The following ITGBL1 variants were observed in gnomAD, a reference collection of about 807,000 sequenced individuals.
ITGBL1 encodes integrin beta-like protein 1.
ITGBL1 carries 51 observed loss-of-function variants against 68.5 expected under a neutral mutation model. The ratio of observed to expected loss-of-function variants is 0.74; its 90% CI spans 0.59 to 0.94. ITGBL1 has a LOEUF of 0.94. Ranked by LOEUF, ITGBL1 falls within the 40% of genes least tolerant of loss-of-function variation. The probability of loss-of-function intolerance (pLI) is 0.00; values close to 1 mark genes in which losing one functional copy is unlikely to be tolerated. For missense variants in ITGBL1, 649 were observed against 647.4 expected (o/e 1.00, Z -0.03); for synonymous variants, 209 against 227.3 (o/e 0.92, Z 0.72).
chr13:101,460,984 C>G (rs2048310283), intron 2 of ITGBL1, among the ~76,000 whole-genome samples: 1 of 152,156 alleles, frequency 6.6e-6, no homozygotes, highest in Non-Finnish European at 1.5e-5. Flanking sequence ...GGACACACAT[C>G]CAAACTATAT....
chr13:101,471,332 A>G (rs1409360050), intron 2 of ITGBL1, among the ~76,000 whole-genome samples: 2 of 152,152 alleles, frequency 1.3e-5, no homozygotes, highest in Non-Finnish European at 2.9e-5. Context: ...TTTTGTTATC[A>G]GTATTATCAG....
At chr13:101,657,575 C>G (rs1051911052) in intron 7 of ITGBL1, among the ~76,000 whole-genome samples, 1 of 152,090 alleles carries the variant, frequency 6.6e-6, no homozygotes, top group Non-Finnish European at 1.5e-5. Context: ...GCTAAATATG[C>G]CTAAACTCTA....
chr13:101,652,763 A>G (rs189068606), intron 7 of ITGBL1, among the ~76,000 whole-genome samples: 1 of 152,210 alleles, frequency 6.6e-6, no homozygotes, highest in Admixed American at 6.5e-5. Flanking sequence ...AAGGAAATAG[A>G]CGCACCAAAG....
intron 6 of ITGBL1, among the ~76,000 whole-genome samples, chr13:101,595,747 A>G (rs1472091873): frequency 6.6e-6 from 1 of 152,176 alleles, no homozygotes; most frequent in Non-Finnish European, 1.5e-5. Context: ...GTTGTTGGTG[A>G]GGATGTAAAT....
chr13:101,594,561 A>G (rs1428319331), intron 6 of ITGBL1, among the ~76,000 whole-genome samples: 1 of 152,202 alleles, frequency 6.6e-6, no homozygotes, highest in Admixed American at 6.5e-5. Context: ...AACACAGACA[A>G]CAAAAACAAA....
At chr13:101,627,650 G>A (rs896384462) in intron 7 of ITGBL1, among the ~76,000 whole-genome samples, 3 of 152,046 alleles carry the variant, frequency 2.0e-5, no homozygotes, top group African/African-American at 7.2e-5. Context: ...TGGCAAGCAC[G>A]GATCTTTTTA....
intron 7 of ITGBL1, among the ~76,000 whole-genome samples, chr13:101,655,247 GA>G (rs2032880674): frequency 6.6e-6 from 1 of 152,198 alleles, no homozygotes; most frequent in African/African-American, 2.4e-5. Context: ...ATTGAAACTA[GA>G]TTGATGGCAC....
intron 2 of ITGBL1, among the ~76,000 whole-genome samples, chr13:101,556,199 A>G (rs1346698139): frequency 6.6e-6 from 1 of 152,198 alleles, no homozygotes; most frequent in Non-Finnish European, 1.5e-5. Flanking sequence ...GGATCTCCCC[A>G]AAAGATGTGT....
intron 7 of ITGBL1, among the ~76,000 whole-genome samples, chr13:101,629,518 G>T (rs2031904358): frequency 6.6e-6 from 1 of 151,696 alleles, no homozygotes; most frequent in South Asian, 2.1e-4. Flanking sequence ...TTATATCAAG[G>T]TCTCAAATTT....
At chr13:101,655,400 A>G (rs544741682) in intron 7 of ITGBL1, among the ~76,000 whole-genome samples, 1 of 19,446 alleles carries the variant, frequency 5.1e-5, no homozygotes, top group East Asian at 1.1e-3. Flanking sequence ...AGTCAAATTT[A>G]TGCATTAATT....
At chr13:101,628,679 A>C (rs560286819) in intron 7 of ITGBL1, among the ~76,000 whole-genome samples, 7 of 149,544 alleles carry the variant, frequency 4.7e-5, no homozygotes, top group Non-Finnish European at 1.0e-4. Flanking sequence ...TGACCTCGTG[A>C]TCCACCCACC....
intron 2 of ITGBL1, among the ~76,000 whole-genome samples, chr13:101,547,976 TAAAGC>T: frequency 1.3e-5 from 2 of 151,774 alleles, no homozygotes; most frequent in East Asian, 3.9e-4. Context: ...CAAAAAGAGA[TAAAGC>T]AAACTCTAAA....
At chr13:101,590,973 G>A (rs528736647) in intron 6 of ITGBL1, among the ~76,000 whole-genome samples, 3 of 151,910 alleles carry the variant, frequency 2.0e-5, no homozygotes, top group South Asian at 2.1e-4. Context: ...GCACAGTCTC[G>A]GCTCACTGCA....
intron 2 of ITGBL1, among the ~76,000 whole-genome samples, chr13:101,466,880 A>C (rs2139633835): frequency 6.6e-6 from 1 of 152,280 alleles, no homozygotes; most frequent in Admixed American, 6.5e-5. Context: ...TAGATGGTTT[A>C]GTCCATTCAG....
intron 8 of ITGBL1, among the ~76,000 whole-genome samples, chr13:101,704,451 A>G (rs1220506300): frequency 7.1e-6 from 1 of 140,782 alleles, no homozygotes; most frequent in Non-Finnish European, 1.5e-5. Context: ...TTAAAGATAA[A>G]CATTGGGTGA....
intron 7 of ITGBL1, among the ~76,000 whole-genome samples, chr13:101,609,041 GA>G (rs908573479): frequency 7.9e-5 from 12 of 152,040 alleles, no homozygotes; most frequent in African/African-American, 2.9e-4. Context: ...ATCATGCTTT[GA>G]ACTGACAATG....
At chr13:101,713,055 TAAAA>T (rs1334029370) in intron 9 of ITGBL1, 1 of 152,244 alleles carries the variant, frequency 6.6e-6, no homozygotes, top group African/African-American at 2.4e-5. Flanking sequence ...CGCAAGAAGT[TAAAA>T]AACACAATTG....
chr13:101,696,869 T>G (rs1451937118), intron 8 of ITGBL1, among the ~76,000 whole-genome samples: 3 of 152,120 alleles, frequency 2.0e-5, no homozygotes, highest in African/African-American at 7.2e-5. Flanking sequence ...TATTCCAGTT[T>G]TGGATACAGG....
At chr13:101,626,069 C>G (rs1489687757) in intron 7 of ITGBL1, among the ~76,000 whole-genome samples, 1 of 152,142 alleles carries the variant, frequency 6.6e-6, no homozygotes, top group African/African-American at 2.4e-5. Flanking sequence ...GGCCTCTTAA[C>G]CATTGTACCT....
Sources: gnomAD v4.1 joint callset for allele counts (sites outside exome capture counted in the v4.1 genomes callset) on GRCh38, gnomAD v4.1.1 for gene constraint, MANE v1.5 for transcripts, NCBI Gene and HGNC (gene_info 2026-07-23, HGNC 2026-07-21) for gene names.